NUTM1: variants seen among roughly 807,000 people sequenced by gnomAD.
NUTM1 encodes the protein NUT family member 1.
Under a neutral mutation model 88.7 loss-of-function variants are expected in NUTM1, and 39 were observed. The ratio of observed to expected loss-of-function variants is 0.44; its 90% CI spans 0.34 to 0.57. The LOEUF (loss-of-function observed/expected upper bound fraction) is 0.57, where lower values mean the gene tolerates loss of function less well. Among genes scored for constraint, NUTM1 ranks in the 20% least tolerant of loss-of-function variants. The pLI is 0.01. For missense variants in NUTM1, 1,350 were observed against 1,414.5 expected (o/e 0.95, Z 0.73); for synonymous variants, 494 against 538.0 (o/e 0.92, Z 1.13).
Position 34,348,251 on chromosome 15 carries a change from A to G in NUTM1, c.383A>G (p.Glu128Gly), listed in dbSNP as rs776846562. 2 of 1,614,248 alleles carry G rather than the reference A, an allele frequency of 1.2e-6. No homozygotes were observed. Among genetic ancestry groups the G allele is most frequent in the South Asian group, 1.1e-5 (1 of 91,090 alleles). ...VKVKTEGGSAEPSQTQNFILT... is the reference protein window; with the variant it reads ...VKVKTEGGSAGPSQTQNFILT... ...GTCAAGACAGAAGGGGGGTCAGCTG[A>G]GCCCTCTCAAACTCAGAACTTTATC... is the stretch of plus-strand genomic sequence containing the variant. Residue 128 changes from glutamate to glycine, a missense_variant, in exon 3 of 8, where the codon GAG (glutamate) becomes GGG (glycine). Glu to Gly is a moderately conservative substitution (Grantham distance 98, BLOSUM62 -2). Transcript: ENST00000537011.
At position 34,355,717 on chromosome 15, in the gene NUTM1, A is replaced by G; in HGVS notation, c.1709A>G (p.Gln570Arg). Residue 570 changes from glutamine (Q) to arginine (R), a missense_variant, in exon 8 of 8, where the codon CAA becomes CGA. Gln to Arg is a conservative substitution (Grantham distance 43). This residue lies in a region of NUTM1 where 730 missense variants were observed against 728.8 expected (regional missense o/e 1.00). Transcript: ENST00000537011. The surrounding 1 kb of genome is among the most constrained non-coding windows in gnomAD (Gnocchi z 4.3). ...AGAGAAGTGCATGGTGGGCAGGAGC[A>G]AGCCCTAGATAGCCCCAGAGGGATG... ...RAREVHGGQE[Q>R]ALDSPRGMHR... is the part of the protein sequence containing the mutation. 6.2e-7 allele frequency: 1 copy of G among 1,612,222 alleles called. No homozygotes were observed. Among genetic ancestry groups the G allele is most frequent in the Non-Finnish European group, 8.5e-7 (1 of 1,178,880 alleles).
rs1890819912 is a variant in NUTM1 at position 34,356,695 on chromosome 15, T to C, written c.2687T>C (p.Ile896Thr). ...LPPTCQGNLL[I>T]MGTEDASSLP... ...CCCACATGCCAAGGCAATCTCCTTATCATGGGGACTGAGGATGCCTCCTCC... is the reference window on the plus strand; with the variant it reads ...CCCACATGCCAAGGCAATCTCCTTACCATGGGGACTGAGGATGCCTCCTCC... The change falls in exon 8 of 8, where the codon ATC becomes ACC. Residue 896 changes from isoleucine (I) to threonine (T), a missense_variant. Physicochemically the swap from Ile to Thr is moderately conservative, Grantham distance 89. Around this residue, in one of 5 missense-constraint regions of NUTM1, gnomAD observed 730 missense variants for 728.8 expected, o/e 1.00. Coordinates refer to ENST00000537011, the MANE Select transcript of NUTM1 (RefSeq NM_001284292.2). 1.2e-6 allele frequency: 2 copies of C among 1,613,472 alleles called. No individual in the cohort carries two copies. Among genetic ancestry groups the C allele is most frequent in the Admixed American group, 1.7e-5 (1 of 59,934 alleles).
intron 2 of NUTM1, among the ~76,000 whole-genome samples, chr15:34,346,907 A>AAAAAT (rs1328410929): frequency 6.7e-6 from 1 of 149,244 alleles, no homozygotes; most frequent in Non-Finnish European, 1.5e-5. Context: ...AAAAAAAAAA[A>AAAAAT]GCAGCACTTA....
rs761350640 is a variant in NUTM1, at chr15:34,357,011, T to A, written c.3003T>A (p.Thr1001=). The A allele has an allele frequency of 1.2e-6, 2 of 1,613,706 alleles. No homozygotes were observed. The highest frequency in any genetic ancestry group is 1.7e-5 in the Admixed American group (1 of 59,936). The change falls in exon 8 of 8, where the codon ACT becomes ACA. Residue 1001 remains threonine (T), a synonymous_variant. Transcript: ENST00000537011. ...ATSSHQGLGS[T]LPRRGTRNAI... ...CTTCTCACCAGGGCCTTGGAAGCAC[T>A]TTGCCTAGAAGGGGAACCAGGAATG...
rs1890528130 is a variant in NUTM1, at chr15:34,343,668, T to A, written c.-29T>A. On this transcript the variant is annotated 5_prime_UTR_variant, in exon 1 of 8. Coordinates refer to ENST00000537011, the MANE Select transcript of NUTM1 (RefSeq NM_001284292.2). ...GGTCGAACCAAGATTTAAAGTTAGG[T>A]CCCTACCGCAAATTCAGCGCTCTTT... 2 of 1,533,330 alleles carry A rather than the reference T, an allele frequency of 1.3e-6. No individual in the cohort carries two copies. Among genetic ancestry groups the A allele is most frequent in the Non-Finnish European group, 1.7e-6 (2 of 1,144,898 alleles). The allele number at this position is 1,533,330 out of a possible 1,614,324, so 95.0% of individuals were successfully genotyped here. A position where few individuals can be genotyped will look rare whatever the true frequency, so the allele number is the denominator to read the frequency against.
At chr15:34,354,976 G>T in intron 6 of NUTM1, 45 bp from the exon 7 acceptor site, 1 of 1,435,004 alleles carries the variant, frequency 7.0e-7, no homozygotes, top group South Asian at 1.1e-5. Context: ...TGTTTCACAG[G>T]TTACCTGCTT....
rs1890839270 is a variant in NUTM1 at position 34,357,395 on chromosome 15, C to T, written c.3387C>T (p.Pro1129=). 2 of 1,614,048 alleles carry T rather than the reference C, an allele frequency of 1.2e-6. No individual in the cohort carries two copies. Among genetic ancestry groups the T allele is most frequent in the East Asian group, 2.2e-5 (1 of 44,888 alleles). Residue 1129 remains proline, a synonymous_variant, in exon 8 of 8, where the codon CCC becomes CCT. Coordinates refer to ENST00000537011, the MANE Select transcript of NUTM1 (RefSeq NM_001284292.2). ...AACTTGGGGTCCCCAGGGAGAAACC[C>T]CTAGCTCTGGGAGTAGTTCGACCCT... is the stretch of plus-strand genomic sequence containing the variant. ...GAQLGVPREK[P]LALGVVRPSQ...
intron 1 of NUTM1, among the ~76,000 whole-genome samples, chr15:34,345,704 G>T (rs1387787697): frequency 2.0e-5 from 3 of 152,170 alleles, no homozygotes; most frequent in African/African-American, 7.2e-5. Flanking sequence ...CTGAGAAAAA[G>T]TTTACAAATA....
intron 5 of NUTM1, 55 bp downstream of exon 5, chr15:34,353,927 T>C: frequency 1.9e-6 from 3 of 1,588,790 alleles, no homozygotes; most frequent in Non-Finnish European, 2.6e-6. Flanking sequence ...AAGGGATGCA[T>C]ACAGAAGCCA....
At chr15:34,351,521 C>A (rs1890709809) in intron 4 of NUTM1, among the ~76,000 whole-genome samples, 1 of 152,016 alleles carries the variant, frequency 6.6e-6, no homozygotes, top group African/African-American at 2.4e-5. Context: ...CTTGAAAGCT[C>A]CCCCCTCACC....
chr15:34,355,826 C>G lies in NUTM1; in HGVS notation c.1818C>G (p.Pro606=). The G allele has an allele frequency of 6.2e-7, 1 of 1,614,124 alleles. No homozygotes were observed. Among genetic ancestry groups the G allele is most frequent in the South Asian group, 1.1e-5 (1 of 91,088 alleles). Residue 606 remains proline, a synonymous_variant, in exon 8 of 8, where the codon CCC becomes CCG. Transcript: ENST00000537011. This position sits in a 1 kb window ranked among gnomAD's most constrained non-coding sequence, Gnocchi z 4.3. ...ELAAPQGTPG[P]LGVERRGSGK... ...CAGCTCCACAGGGAACTCCGGGACC[C>G]TTGGGTGTGGAGAGGAGAGGGTCTG...
chr15:34,346,703 G>A (rs1237782304), intron 2 of NUTM1, among the ~76,000 whole-genome samples: 1 of 139,646 alleles, frequency 7.2e-6, no homozygotes, highest in African/African-American at 2.7e-5. Flanking sequence ...CCAACATGGC[G>A]TAAACCCCGT....
intron 1 of NUTM1, 93 bp from the exon 2 acceptor site, chr15:34,345,849 C>T: frequency 6.6e-7 from 1 of 1,515,230 alleles, no homozygotes; most frequent in Non-Finnish European, 8.9e-7. Flanking sequence ...TCCCCTCCCC[C>T]ACAGCAGAAT....
chr15:34,353,646 C>A, intron 4 of NUTM1, 90 bp from the exon 5 acceptor site: 1 of 1,522,004 alleles, frequency 6.6e-7, no homozygotes, highest in Non-Finnish European at 9.0e-7. Context: ...GAGAGCACTT[C>A]CTTTCTTGGC....
In NUTM1 at chr15:34,355,222, A is replaced by C; in HGVS notation, c.1479+85A>C. ...ACACTGTCGTGGGTGATATGGCTCT[A>C]GAGATGAACAGCTTCAGGATTGGGC... is the stretch of plus-strand genomic sequence containing the variant. On this transcript the variant is annotated intron_variant, in intron 7 of 7. Transcript: ENST00000537011. The surrounding 1 kb of genome is among the most constrained non-coding windows in gnomAD (Gnocchi z 4.3). 4.3e-6 allele frequency: 4 copies of C among 927,456 alleles called. No homozygotes were observed. The highest frequency in any genetic ancestry group is 5.2e-6 in the Non-Finnish European group (3 of 572,074). The allele number at this position is 927,456 out of a possible 1,614,324, so 57.5% of individuals were successfully genotyped here.
chr15:34,356,170 G>C lies in NUTM1; in HGVS notation c.2162G>C (p.Arg721Thr), dbSNP rs1208924224. The C allele has an allele frequency of 1.9e-6, 3 of 1,611,492 alleles. No homozygotes were observed. The highest frequency in any genetic ancestry group is 2.2e-5 in the South Asian group (2 of 90,986). The change falls in exon 8 of 8, where the codon AGA (arginine) becomes ACA (threonine). Residue 721 changes from arginine to threonine, a missense_variant. By Grantham distance (71) the Arg-to-Thr change is moderately conservative (BLOSUM62 -1). Around this residue, in one of 5 missense-constraint regions of NUTM1, gnomAD observed 730 missense variants for 728.8 expected, o/e 1.00. Coordinates refer to ENST00000537011, the MANE Select transcript of NUTM1 (RefSeq NM_001284292.2). ...GSSGAMWGDD[R>T]GTPMAQSYDQ... ...TCAGGAGCCATGTGGGGAGATGACAGAGGTACCCCCATGGCTCAGAGTTAT... is the reference window on the plus strand; with the variant it reads ...TCAGGAGCCATGTGGGGAGATGACACAGGTACCCCCATGGCTCAGAGTTAT...
At position 34,356,528 on chromosome 15, in the gene NUTM1, C is replaced by G. The variant is rs777983013; in HGVS notation, c.2520C>G (p.Asn840Lys). 6.2e-7 allele frequency: 1 copy of G among 1,614,022 alleles called. No individual in the cohort carries two copies. The highest frequency in any genetic ancestry group is 1.7e-5 in the Admixed American group (1 of 60,010). Residue 840 changes from asparagine to lysine, a missense_variant, in exon 8 of 8, where the codon AAC becomes AAG. Asn to Lys is a moderately conservative substitution (Grantham distance 94, BLOSUM62 0). This residue lies in a region of NUTM1 where 730 missense variants were observed against 728.8 expected (regional missense o/e 1.00). Transcript: ENST00000537011. ...YCSLPGPLRA[N>K]SPPLRSKENQ... is the part of the protein sequence containing the mutation. ...GCTTGCCAGGACCTTTGAGGGCCAA[C>G]AGCCCACCCTTGAGGTCCAAAGAAA...
At chr15:34,344,942 C>T (rs1053345120) in intron 1 of NUTM1, among the ~76,000 whole-genome samples, 1 of 151,872 alleles carries the variant, frequency 6.6e-6, no homozygotes. Flanking sequence ...GGCGTGAACC[C>T]GGAAGGCGGA....
intron 3 of NUTM1, 68 bp from the exon 4 acceptor site, chr15:34,350,636 A>G: frequency 6.4e-7 from 1 of 1,562,792 alleles, no homozygotes; most frequent in Non-Finnish European, 8.7e-7. Context: ...TGTGTTATTG[A>G]TGTAGGTGTC....
Sources: gnomAD v4.1 joint callset for allele counts (sites outside exome capture counted in the v4.1 genomes callset) on GRCh38, gnomAD v4.1.1 for gene constraint, gnomAD v4.1.1 regional missense constraint, Gnocchi (gnomAD v3.1) non-coding constraint, MANE v1.5 for transcripts, NCBI Gene and HGNC (gene_info 2026-07-23, HGNC 2026-07-21) for gene names.